The following MCC variants were observed in gnomAD, a reference collection of about 807,000 sequenced individuals.
The protein encoded by MCC is MCC regulator of Wnt signaling pathway, also known as colorectal mutant cancer protein.
In MCC, 90 loss-of-function variants were observed where a neutral mutation model predicts 116.2. The observed-to-expected ratio is 0.77, with a 90% CI of 0.65 to 0.92. MCC has a LOEUF of 0.92. Ranked by LOEUF, MCC falls within the 40% of genes least tolerant of loss-of-function variation. The probability of loss-of-function intolerance (pLI) is 0.00; values close to 1 mark genes in which losing one functional copy is unlikely to be tolerated. For synonymous variants in MCC, 578 were observed against 510.5 expected (o/e 1.13, Z -1.78); for missense variants, 1,516 against 1,312.2 (o/e 1.16, Z -2.40).
chr5:113,391,984 G>C (rs1421926745), intron 1 of MCC, among the ~76,000 whole-genome samples: 1 of 152,138 alleles, frequency 6.6e-6, no homozygotes, highest in Non-Finnish European at 1.5e-5. Context: ...AAACCAAATA[G>C]ATTATTAATG....
chr5:113,273,810 A>T (rs1765707285), intron 3 of MCC, among the ~76,000 whole-genome samples: 1 of 152,110 alleles, frequency 6.6e-6, no homozygotes, highest in Admixed American at 6.5e-5. Context: ...TCCATATTAG[A>T]CGGGATGAGA....
rs567160077 is a variant in MCC at position 113,114,221 on chromosome 5, G to T, written c.1027+8463C>A. On this transcript the variant is annotated intron_variant, in intron 6 of 18. Transcript: ENST00000408903. ...GTTTTACCTTTTCTGTAAGTTTGAA[G>T]ATTTTTAAAATAAAAAGTTGAGAAA... Among the ~76,000 whole-genome samples, 4 of 152,282 alleles carry T rather than the reference G, an allele frequency of 2.6e-5. No homozygotes were observed. The East Asian group carries it at 7.7e-4, about 29-fold the overall frequency.
intron 14 of MCC, among the ~76,000 whole-genome samples, chr5:113,062,328 C>T (rs1346352967): frequency 6.6e-6 from 1 of 152,192 alleles, no homozygotes; most frequent in African/African-American, 2.4e-5. Flanking sequence ...AGTTCAAGTA[C>T]TTCTAACAAA....
chr5:113,030,841 G>A (rs4705751), intron 17 of MCC, among the ~76,000 whole-genome samples: 112,274 of 152,168 alleles, frequency 0.74, 41,458 homozygotes, highest in East Asian at 0.79. Context: ...AAACTCAACA[G>A]TGCTTAACTC....
intron 3 of MCC, among the ~76,000 whole-genome samples, chr5:113,281,555 A>C (rs549911229): frequency 1.4e-4 from 22 of 152,338 alleles, no homozygotes; most frequent in Admixed American, 5.9e-4. Flanking sequence ...GAAAACAATA[A>C]ACCTGGGACA....
chr5:113,075,961 GTCTGCAGCT>G (rs1235243686), intron 11 of MCC, among the ~76,000 whole-genome samples: 3 of 152,114 alleles, frequency 2.0e-5, no homozygotes, highest in Non-Finnish European at 4.4e-5. Flanking sequence ...CACTGTGAAG[GTCTGCAGCT>G]TCAGTCTTGA....
At chr5:113,448,689 C>A (rs1166049514) in intron 1 of MCC, among the ~76,000 whole-genome samples, 2 of 152,050 alleles carry the variant, frequency 1.3e-5, no homozygotes, top group African/African-American at 2.4e-5. Flanking sequence ...TGTTTTTGTA[C>A]CTTAAGATTT....
rs541826305 is a variant in MCC, at chr5:113,118,212, T to C, written c.1027+4472A>G. On this transcript the variant is annotated intron_variant, in intron 6 of 18. Coordinates refer to ENST00000408903, the MANE Select transcript of MCC (RefSeq NM_001085377.2). Reference sequence around the variant, plus strand: ...GGGTAAGTGAGCAAAGCATGTTAGTTGGTATACCCACCCTCTCTTTTAACG... The same window carrying C: ...GGGTAAGTGAGCAAAGCATGTTAGTCGGTATACCCACCCTCTCTTTTAACG... Among the ~76,000 whole-genome samples the C allele has an allele frequency of 8.9e-4, 135 of 152,308 alleles. 1 individual carries two copies. Among genetic ancestry groups the C allele is most frequent in the African/African-American group, 3.1e-3 (128 of 41,572 alleles).
intron 1 of MCC, among the ~76,000 whole-genome samples, chr5:113,419,068 C>T (rs757637056): frequency 1.8e-4 from 27 of 152,138 alleles, no homozygotes; most frequent in Non-Finnish European, 3.7e-4. Flanking sequence ...CCATGTGACC[C>T]AGCAATGACA....
intron 8 of MCC, 165 bp downstream of exon 8, chr5:113,101,574 C>G: frequency 1.5e-6 from 1 of 649,018 alleles, no homozygotes; most frequent in South Asian, 1.9e-5. Context: ...TATACCTTAG[C>G]AATTTCGAAC....
At chr5:113,383,832 A>G (rs1283205939) in intron 2 of MCC, among the ~76,000 whole-genome samples, 1 of 152,094 alleles carries the variant, frequency 6.6e-6, no homozygotes, top group Admixed American at 6.5e-5. Context: ...TGTTTCCATT[A>G]CTCAATAATA....
chr5:113,142,929 A>T (rs550884945), intron 5 of MCC, among the ~76,000 whole-genome samples: 2 of 152,258 alleles, frequency 1.3e-5, no homozygotes, highest in East Asian at 3.9e-4. Context: ...CTGATTTCAT[A>T]CCCTTATCAA....
intron 3 of MCC, among the ~76,000 whole-genome samples, chr5:113,287,106 T>C (rs1489440333): frequency 6.6e-6 from 1 of 152,122 alleles, no homozygotes; most frequent in Non-Finnish European, 1.5e-5. Flanking sequence ...TTCAAAAAAA[T>C]AATTACATAC....
chr5:113,182,196 GA>G (rs1318933556), intron 3 of MCC, among the ~76,000 whole-genome samples: 2 of 152,218 alleles, frequency 1.3e-5, no homozygotes, highest in African/African-American at 2.4e-5. Flanking sequence ...TTATAGTAGA[GA>G]AGGGACTGAA....
chr5:113,149,185 A>T (rs1418318933), intron 4 of MCC, among the ~76,000 whole-genome samples: 5 of 152,120 alleles, frequency 3.3e-5, no homozygotes, highest in Non-Finnish European at 7.4e-5. Flanking sequence ...ATTAGAAAAC[A>T]TAGTCACCAC....
chr5:113,334,920 T>A (rs1767834807), intron 3 of MCC, among the ~76,000 whole-genome samples: 1 of 151,686 alleles, frequency 6.6e-6, no homozygotes. Context: ...AAATCAACCC[T>A]ATATTCTAGG....
intron 17 of MCC, among the ~76,000 whole-genome samples, chr5:113,034,688 C>G (rs1003207353): frequency 3.3e-5 from 5 of 152,214 alleles, no homozygotes; most frequent in African/African-American, 9.6e-5. Context: ...TGTCTCTCAT[C>G]CTCACCTTCC....
chr5:113,054,710 A>G (rs927438982), intron 14 of MCC, among the ~76,000 whole-genome samples: 3 of 152,158 alleles, frequency 2.0e-5, no homozygotes, highest in Admixed American at 1.3e-4. Context: ...AGTGTTCACT[A>G]TAGGGACTCG....
At chr5:113,476,421 G>A (rs1262069087) in intron 1 of MCC, among the ~76,000 whole-genome samples, 1 of 151,994 alleles carries the variant, frequency 6.6e-6, no homozygotes, top group Non-Finnish European at 1.5e-5. Context: ...TTTTGACAAG[G>A]GTGTCAAGAA....
Sources: allele counts gnomAD v4.1 joint callset (sites outside exome capture counted in the v4.1 genomes callset), GRCh38; gene constraint gnomAD v4.1.1; transcripts MANE v1.5; gene names NCBI Gene and HGNC (gene_info 2026-07-23, HGNC 2026-07-21).